The following NELL1 variants were observed in gnomAD, a reference collection of about 807,000 sequenced individuals.
The protein encoded by NELL1 is neural EGFL like 1.
In NELL1, 76 loss-of-function variants were observed where a neutral mutation model predicts 107.4. That is an observed-to-expected ratio of 0.71 (90% CI 0.59 to 0.86). The LOEUF (loss-of-function observed/expected upper bound fraction) is 0.86, where lower values mean the gene tolerates loss of function less well. Ranked by LOEUF, NELL1 falls within the 40% of genes least tolerant of loss-of-function variation. NELL1 has a pLI of 0.00. For synonymous variants in NELL1, 353 were observed against 341.2 expected (o/e 1.03, Z -0.38); for missense variants, 1,024 against 1,005.5 (o/e 1.02, Z -0.25).
At chr11:21,400,018 A>T (rs2133795233) in intron 15 of NELL1, among the ~76,000 whole-genome samples, 1 of 151,922 alleles carries the variant, frequency 6.6e-6, no homozygotes, top group Non-Finnish European at 1.5e-5. Flanking sequence ...ATAAAAGATT[A>T]TTTCTGTATA....
At chr11:21,058,963 G>A (rs1470396382) in intron 12 of NELL1, among the ~76,000 whole-genome samples, 12 of 152,124 alleles carry the variant, frequency 7.9e-5, no homozygotes, top group Non-Finnish European at 1.5e-5. Context: ...AAATAAAATT[G>A]CATTGAATAT....
intron 15 of NELL1, among the ~76,000 whole-genome samples, chr11:21,455,382 A>C (rs1321614135): frequency 7.5e-6 from 1 of 133,678 alleles, no homozygotes; most frequent in Non-Finnish European, 1.5e-5. Flanking sequence ...TCTAAGCTGG[A>C]GTGTGTTGGC....
chr11:21,331,946 G>A (rs969286445), intron 14 of NELL1, among the ~76,000 whole-genome samples: 6 of 152,080 alleles, frequency 3.9e-5, no homozygotes, highest in Admixed American at 2.0e-4. Flanking sequence ...GCTCTTTGGC[G>A]CTCTTTCCCC....
At chr11:21,528,458 C>T (rs1164819021) in intron 15 of NELL1, among the ~76,000 whole-genome samples, 1 of 130,242 alleles carries the variant, frequency 7.7e-6, no homozygotes, top group Non-Finnish European at 1.7e-5. Context: ...TCTGGTTCAT[C>T]AGTTTCTCTC....
At chr11:21,462,159 A>G (rs576045859) in intron 15 of NELL1, among the ~76,000 whole-genome samples, 42 of 152,240 alleles carry the variant, frequency 2.8e-4, no homozygotes, top group Admixed American at 2.5e-3. Flanking sequence ...AAATCAAGAC[A>G]TGGAAATCTA....
rs149176693 is a variant in NELL1 at position 21,167,203 on chromosome 11, C to G, written c.1426+53489C>G. ...TCATTATATAGTGTTGCCCCAGTCTCAAGCATAACCTCCATTTGTGGTCTG... is the reference window on the plus strand; with the variant it reads ...TCATTATATAGTGTTGCCCCAGTCTGAAGCATAACCTCCATTTGTGGTCTG... On this transcript the variant is annotated intron_variant, in intron 13 of 19. Transcript: ENST00000357134. Among the ~76,000 whole-genome samples the G allele has an allele frequency of 7.8e-4, 119 of 151,920 alleles. 2 individuals are homozygous for G. Among genetic ancestry groups the G allele is most frequent in the African/African-American group, 2.8e-3 (114 of 41,218 alleles).
chr11:21,113,791 C>A (rs949328349), intron 13 of NELL1, 77 bp downstream of exon 13: 69 of 1,451,938 alleles, frequency 4.8e-5, no homozygotes, highest in Non-Finnish European at 6.2e-5. Context: ...TGTTTAATTC[C>A]TAGTGCACAA....
intron 14 of NELL1, among the ~76,000 whole-genome samples, chr11:21,324,594 G>T (rs1042674367): frequency 1.3e-5 from 2 of 152,072 alleles, no homozygotes; most frequent in Admixed American, 1.3e-4. Context: ...TTTTGTAAGT[G>T]CCTGTAGGTT....
chr11:21,397,284 C>T (rs1192195311), intron 15 of NELL1, among the ~76,000 whole-genome samples: 1 of 151,452 alleles, frequency 6.6e-6, no homozygotes, highest in Non-Finnish European at 1.5e-5. Context: ...GAAGACTGAG[C>T]ATCAGGCATG....
At chr11:20,719,650 T>C (rs1416302844) in intron 2 of NELL1, among the ~76,000 whole-genome samples, 1 of 152,216 alleles carries the variant, frequency 6.6e-6, no homozygotes, top group African/African-American at 2.4e-5. Flanking sequence ...TTTTCCATTA[T>C]AGTCTTGAAA....
At chr11:21,246,877 C>T (rs1012816399) in intron 14 of NELL1, among the ~76,000 whole-genome samples, 2 of 152,130 alleles carry the variant, frequency 1.3e-5, no homozygotes, top group Non-Finnish European at 2.9e-5. Flanking sequence ...ATAAAATCAT[C>T]AGCTCTTGCG....
chr11:20,907,269 T>A (rs1006009300), intron 5 of NELL1, among the ~76,000 whole-genome samples: 4 of 148,944 alleles, frequency 2.7e-5, no homozygotes, highest in Non-Finnish European at 4.5e-5. Flanking sequence ...TCAAAAGAGA[T>A]TATTAAGGAT....
intron 15 of NELL1, among the ~76,000 whole-genome samples, chr11:21,425,577 T>C (rs935629649): frequency 6.6e-6 from 1 of 152,178 alleles, no homozygotes; most frequent in South Asian, 2.1e-4. Flanking sequence ...GAAAGGGTAG[T>C]GAACCAAGGA....
intron 7 of NELL1, 51 bp from the exon 8 acceptor site, chr11:20,927,257 G>A (rs200893909): frequency 1.9e-6 from 3 of 1,555,078 alleles, no homozygotes; most frequent in Non-Finnish European, 1.7e-6. Context: ...AGCTTTGTTA[G>A]GATGATGCAA....
chr11:21,167,810 G>T (rs1276628924), intron 13 of NELL1, among the ~76,000 whole-genome samples: 2 of 151,584 alleles, frequency 1.3e-5, no homozygotes, highest in Admixed American at 6.6e-5. Flanking sequence ...TGTTTCACAT[G>T]GCTAGCTCTT....
At chr11:21,090,631 G>A (rs1193148282) in intron 12 of NELL1, among the ~76,000 whole-genome samples, 2 of 152,196 alleles carry the variant, frequency 1.3e-5, no homozygotes, top group South Asian at 2.1e-4. Context: ...AATGCAGAGA[G>A]GTCTGCTTAA....
At chr11:21,299,002 G>C (rs1381729741) in intron 14 of NELL1, among the ~76,000 whole-genome samples, 1 of 151,966 alleles carries the variant, frequency 6.6e-6, no homozygotes, top group African/African-American at 2.4e-5. Flanking sequence ...CATGGTTATA[G>C]TTTTTATACA....
At chr11:21,201,637 G>A (rs1425243535) in intron 13 of NELL1, among the ~76,000 whole-genome samples, 2 of 151,988 alleles carry the variant, frequency 1.3e-5, no homozygotes, top group Non-Finnish European at 2.9e-5. Flanking sequence ...TTGCCTGATT[G>A]CCCTGGCCAG....
At chr11:21,415,788 G>T (rs1358058302) in intron 15 of NELL1, among the ~76,000 whole-genome samples, 2 of 151,990 alleles carry the variant, frequency 1.3e-5, no homozygotes, top group African/African-American at 2.4e-5. Context: ...CTCTGGCACT[G>T]GTGCTAGAAA....
Sources: allele counts gnomAD v4.1 joint callset (sites outside exome capture counted in the v4.1 genomes callset), GRCh38; gene constraint gnomAD v4.1.1; transcripts MANE v1.5; gene names NCBI Gene and HGNC (gene_info 2026-07-23, HGNC 2026-07-21).